ADH1C: variants seen among roughly 807,000 people sequenced by gnomAD.
ADH1C encodes the protein alcohol dehydrogenase 1C (class I), gamma polypeptide, also known as alcohol dehydrogenase 1C.
ADH1C carries 26 observed loss-of-function variants against 35.0 expected under a neutral mutation model. The ratio of observed to expected loss-of-function variants is 0.74; its 90% CI spans 0.54 to 1.03. The LOEUF (loss-of-function observed/expected upper bound fraction) is 1.03, where lower values mean the gene tolerates loss of function less well. Among genes scored for constraint, ADH1C ranks in the 50% least tolerant of loss-of-function variants. The pLI, the probability that ADH1C is intolerant of heterozygous loss-of-function variation, is 0.00. For synonymous variants in ADH1C, 170 were observed against 169.3 expected, an observed-to-expected ratio of 1.00 and a Z score of -0.03; for missense variants, 413 against 465.4, an observed-to-expected ratio of 0.89 and a Z score of 1.04.
chr4:99,337,328 T>C (rs1202216550), intron 8 of ADH1C, among the ~76,000 whole-genome samples: 1 of 152,104 alleles, frequency 6.6e-6, no homozygotes, highest in Non-Finnish European at 1.5e-5. Flanking sequence ...AATTATATAA[T>C]GATAGATACC....
chr4:99,340,444 T>A, intron 7 of ADH1C, 131 bp downstream of exon 7: 8 of 1,112,582 alleles, frequency 7.2e-6, no homozygotes, highest in Non-Finnish European at 1.0e-5. Flanking sequence ...TTCTGCATTA[T>A]TGGAGACTAT....
At chr4:99,350,893 T>C (rs1734659990) in intron 1 of ADH1C, 1 of 152,144 alleles carries the variant, frequency 6.6e-6, no homozygotes, top group African/African-American at 2.4e-5. Flanking sequence ...ATCCCAGCAC[T>C]TTGGGAGGCC....
intron 5 of ADH1C, 85 bp from the exon 6 acceptor site, chr4:99,343,140 T>G: frequency 6.5e-7 from 1 of 1,537,888 alleles, no homozygotes. Context: ...GTCTTGTGTG[T>G]TATCAAGAAC....
intron 8 of ADH1C, among the ~76,000 whole-genome samples, chr4:99,337,699 C>T (rs1326090300): frequency 6.6e-6 from 1 of 151,976 alleles, no homozygotes; most frequent in Non-Finnish European, 1.5e-5. Flanking sequence ...AATCTTACGA[C>T]CTCGGAGTAA....
intron 7 of ADH1C, 74 bp downstream of exon 7, chr4:99,340,501 C>A: frequency 6.6e-7 from 1 of 1,519,216 alleles, no homozygotes; most frequent in Non-Finnish European, 9.0e-7. Context: ...TTTTCAAAAA[C>A]TTGCCTTGTC....
Position 99,352,712 on chromosome 4 carries a change from G to A in ADH1C, c.-37C>T, listed in dbSNP as rs768622168. ...CTTCTCTGCAGACCAGGAGGCTGGT[G>A]AGTACTTGTGGATTTCTTCTCTGCT... is the stretch of plus-strand genomic sequence containing the variant. On this transcript the variant is annotated 5_prime_UTR_variant, in exon 1 of 9. Coordinates refer to ENST00000515683, the MANE Select transcript of ADH1C (RefSeq NM_000669.5). 3.9e-5 allele frequency: 63 copies of A among 1,611,252 alleles called. No homozygotes were observed. In the Middle Eastern group the frequency reaches 4.9e-4, roughly 13 times the overall value.
Position 99,340,465 on chromosome 4 carries a change from T to C in ADH1C, c.964+110A>G, listed in dbSNP as rs944406726. On this transcript the variant is annotated intron_variant, in intron 7 of 8. Transcript: ENST00000515683. ...ATTATTGGAGACTATAGAAAAGAAA[T>C]TTTAATTTATTTTTAATTTCATTGC... 1.1e-5 allele frequency: 14 copies of C among 1,329,748 alleles called. No individual in the cohort carries two copies. In the East Asian group the frequency reaches 2.6e-4, roughly 24 times the overall value. 82.4% of individuals were successfully genotyped at this position (1,329,748 alleles called of 1,614,324 possible).
At chr4:99,340,808 T>C (rs1734398345) in intron 6 of ADH1C, 98 bp from the exon 7 acceptor site, 1 of 1,532,442 alleles carries the variant, frequency 6.5e-7, no homozygotes, top group Non-Finnish European at 8.9e-7. Context: ...GGATTGTGAG[T>C]GTGTAGAGGG....
chr4:99,336,663 A>G lies in ADH1C; in HGVS notation c.*89T>C. ...TTTATTTTTAACATCTCTGAAGAGC[A>G]GAATTAATGATATTTCCTAGCTGTT... On this transcript the variant is annotated 3_prime_UTR_variant, in exon 9 of 9. Transcript: ENST00000515683. The G allele has an allele frequency of 1.4e-6, 2 of 1,476,292 alleles. No individual in the cohort carries two copies. The highest frequency in any genetic ancestry group is 9.5e-7 in the Non-Finnish European group (1 of 1,057,448). The allele number at this position is 1,476,292 out of a possible 1,614,324, so 91.4% of individuals were successfully genotyped here.
chr4:99,343,145 A>G (rs552031730), intron 5 of ADH1C, 90 bp from the exon 6 acceptor site: 1 of 1,521,406 alleles, frequency 6.6e-7, no homozygotes, highest in Non-Finnish European at 8.9e-7. Flanking sequence ...GTGTGTTATC[A>G]AGAACTACTC....
chr4:99,336,845 A>G lies in ADH1C; in HGVS notation c.1104-69T>C. 1.6e-5 allele frequency: 26 copies of G among 1,603,734 alleles called. 1 individual carries two copies. In the South Asian group the frequency reaches 2.9e-4, roughly 18 times the overall value. On this transcript the variant is annotated intron_variant, in intron 8 of 8. Coordinates refer to ENST00000515683, the MANE Select transcript of ADH1C (RefSeq NM_000669.5). Reference sequence around the variant, plus strand: ...CCACATGCTTCCATGTGATAGTCCAAGGAGTATTTGAGGTGACTTAGTGAA... The same window carrying G: ...CCACATGCTTCCATGTGATAGTCCAGGGAGTATTTGAGGTGACTTAGTGAA...
At chr4:99,336,797 C>T in intron 8 of ADH1C, 21 bp from the exon 9 acceptor site, 1 of 1,613,546 alleles carries the variant, frequency 6.2e-7, no homozygotes, top group African/African-American at 1.3e-5. Context: ...AAAGAAGAGA[C>T]ATTGTGTTAA....
At chr4:99,345,692 G>T (rs1018965173) in intron 3 of ADH1C, among the ~76,000 whole-genome samples, 3 of 152,170 alleles carry the variant, frequency 2.0e-5, no homozygotes, top group Non-Finnish European at 4.4e-5. Context: ...GGAAGATCTG[G>T]TATTTTGTAA....
chr4:99,339,585 A>T lies in ADH1C; in HGVS notation c.1095T>A (p.Ser365=). 6.4e-7 allele frequency: 1 copy of T among 1,572,074 alleles called. No individual in the cohort carries two copies. The highest frequency in any genetic ancestry group is 1.4e-5 in the African/African-American group (1 of 72,370). Reference sequence around the variant, plus strand: ...AACAACTTAAAATCTACCTCTTTCCAGAGCGAAGCAGGTCAAATCCTTCAT... The same window carrying T: ...AACAACTTAAAATCTACCTCTTTCCTGAGCGAAGCAGGTCAAATCCTTCAT... ...KINEGFDLLR[S]GKSIRTVLTF The change falls in exon 8 of 9, where the codon TCT becomes TCA. Residue 365 remains serine, a synonymous_variant. Coordinates refer to ENST00000515683, the MANE Select transcript of ADH1C (RefSeq NM_000669.5).
intron 3 of ADH1C, among the ~76,000 whole-genome samples, chr4:99,345,500 A>T (rs1253448428): frequency 2.6e-5 from 4 of 152,242 alleles, no homozygotes; most frequent in Non-Finnish European, 5.9e-5. Context: ...AACAAGATGG[A>T]TTAAAAAAAT....
intron 8 of ADH1C, among the ~76,000 whole-genome samples, chr4:99,338,008 T>C (rs1045318226): frequency 3.9e-5 from 6 of 151,958 alleles, no homozygotes; most frequent in African/African-American, 1.4e-4. Flanking sequence ...ATTATTTCTA[T>C]AGAATAGATT....
chr4:99,348,354 C>T (rs1211535140), intron 1 of ADH1C, among the ~76,000 whole-genome samples: 1 of 149,202 alleles, frequency 6.7e-6, no homozygotes, highest in African/African-American at 2.5e-5. Flanking sequence ...TCAATTTCCA[C>T]CTATGAGTGA....
At position 99,339,512 on chromosome 4, in the gene ADH1C, GCCCC is replaced by G. The variant is rs5860576; in HGVS notation, c.1103+61_1103+64del. ...ACCTTTTCATTCTCTGCTAGACAAC[GCCCC>G]CCCCCCCCCCGCCGCTACTGTAGAA... On this transcript the variant is annotated intron_variant, in intron 8 of 8. Coordinates refer to ENST00000515683, the MANE Select transcript of ADH1C (RefSeq NM_000669.5). 1,027 of 743,136 alleles carry G rather than the reference GCCCC, an allele frequency of 1.4e-3. 6 individuals are homozygous for G. The highest frequency in any genetic ancestry group is 5.8e-3 in the Admixed American group (139 of 24,146). 46.0% of individuals were successfully genotyped at this position (743,136 alleles called of 1,614,324 possible).
At chr4:99,343,925 A>G (rs1047352186) in intron 5 of ADH1C, among the ~76,000 whole-genome samples, 1 of 152,154 alleles carries the variant, frequency 6.6e-6, no homozygotes, top group African/African-American at 2.4e-5. Flanking sequence ...TCTCATTCTT[A>G]TATTCCCTTA....
Sources: gnomAD v4.1 joint callset for allele counts (sites outside exome capture counted in the v4.1 genomes callset) on GRCh38, gnomAD v4.1.1 for gene constraint, MANE v1.5 for transcripts, NCBI Gene and HGNC (gene_info 2026-07-23, HGNC 2026-07-21) for gene names.